The following GRIA4 variants were observed in gnomAD, a reference collection of about 807,000 sequenced individuals.
GRIA4 encodes glutamate receptor 4.
GRIA4 carries 34 observed loss-of-function variants against 104.0 expected under a neutral mutation model. The observed-to-expected ratio is 0.33, with a 90% CI of 0.25 to 0.44. GRIA4 has a LOEUF of 0.44. Among genes scored for constraint, GRIA4 ranks in the 20% least tolerant of loss-of-function variants. GRIA4 has a pLI of 1.00. For synonymous variants in GRIA4, 386 were observed against 381.9 expected (o/e 1.01, Z -0.13); for missense variants, 750 against 1,096.5 (o/e 0.68, Z 4.46).
At chr11:105,699,061 G>A (rs1953391107) in intron 3 of GRIA4, among the ~76,000 whole-genome samples, 1 of 152,134 alleles carries the variant, frequency 6.6e-6, no homozygotes, top group Admixed American at 6.6e-5. Flanking sequence ...TTTTCGTCAA[G>A]TGCTCATGTC....
At chr11:105,702,695 T>C (rs1314707338) in intron 3 of GRIA4, among the ~76,000 whole-genome samples, 2 of 34,624 alleles carry the variant, frequency 5.8e-5, no homozygotes, top group Admixed American at 8.6e-4. Flanking sequence ...TTTTCCTTTC[T>C]TTTTTTTTTT....
intron 13 of GRIA4, among the ~76,000 whole-genome samples, chr11:105,928,907 T>G (rs1452015979): frequency 6.6e-6 from 1 of 152,100 alleles, no homozygotes; most frequent in African/African-American, 2.4e-5. Flanking sequence ...TGGGGAAACC[T>G]GCTTCCTAGA....
intron 4 of GRIA4, among the ~76,000 whole-genome samples, chr11:105,830,289 C>T (rs972762772): frequency 2.6e-5 from 4 of 151,994 alleles, no homozygotes; most frequent in African/African-American, 9.7e-5. Context: ...GAAACTAGTG[C>T]AGTGGCTTGG....
At chr11:105,829,385 T>G (rs1278850886) in intron 4 of GRIA4, among the ~76,000 whole-genome samples, 1 of 152,038 alleles carries the variant, frequency 6.6e-6, no homozygotes, top group Non-Finnish European at 1.5e-5. Context: ...TTTCATCTTC[T>G]TACTCAGCCA....
chr11:105,919,225 G>A (rs1220026925), intron 11 of GRIA4, among the ~76,000 whole-genome samples: 2 of 151,912 alleles, frequency 1.3e-5, no homozygotes, highest in Non-Finnish European at 2.9e-5. Context: ...GCCATGTATA[G>A]AACTACAAAA....
intron 3 of GRIA4, among the ~76,000 whole-genome samples, chr11:105,736,468 G>A (rs765804052): frequency 4.6e-5 from 7 of 151,902 alleles, no homozygotes; most frequent in African/African-American, 9.7e-5. Flanking sequence ...CACAATTTCC[G>A]AAAGTTATTT....
intron 3 of GRIA4, among the ~76,000 whole-genome samples, chr11:105,712,361 A>G (rs902817548): frequency 6.6e-6 from 1 of 152,052 alleles, no homozygotes; most frequent in Non-Finnish European, 1.5e-5. Context: ...TATATTAGTC[A>G]GATAGTGAGG....
At chr11:105,617,206 C>T (rs946311242) in intron 3 of GRIA4, among the ~76,000 whole-genome samples, 2 of 149,986 alleles carry the variant, frequency 1.3e-5, no homozygotes, top group African/African-American at 4.9e-5. Context: ...ATACACCTTA[C>T]ACTTTATGAC....
Position 105,671,993 on chromosome 11 carries a change from G to A in GRIA4, c.247+59559G>A, listed in dbSNP as rs114142881. ...TCACATTTCAGGGAATTCTGCTGTG[G>A]TGATTATTTCTGCAGTGCTGGCACT... On this transcript the variant is annotated intron_variant, in intron 3 of 16. Transcript: ENST00000282499. Among the ~76,000 whole-genome samples, 691 of 152,148 alleles carry A rather than the reference G, an allele frequency of 4.5e-3. 14 individuals are homozygous for A. The highest frequency in any genetic ancestry group is 0.016 in the African/African-American group (645 of 41,522).
In GRIA4 at chr11:105,738,466, C is replaced by A. The variant is rs149648977; in HGVS notation, c.248-14515C>A. On this transcript the variant is annotated intron_variant, in intron 3 of 16. Coordinates refer to ENST00000282499, the MANE Select transcript of GRIA4 (RefSeq NM_000829.4). Reference sequence around the variant, plus strand: ...CCACAGAGTTATGTGGAGTGGTAAACACATACATTAAACAAATGTCACCAA... The same window carrying A: ...CCACAGAGTTATGTGGAGTGGTAAAAACATACATTAAACAAATGTCACCAA... 3.0e-3 allele frequency among the ~76,000 whole-genome samples: 454 copies of A among 152,180 alleles called. 7 individuals carry two copies. Among genetic ancestry groups the A allele is most frequent in the African/African-American group, 0.011 (445 of 41,532 alleles).
intron 3 of GRIA4, among the ~76,000 whole-genome samples, chr11:105,710,711 C>A (rs1343868611): frequency 6.6e-6 from 1 of 152,044 alleles, no homozygotes; most frequent in Non-Finnish European, 1.5e-5. Context: ...TAACAATAGG[C>A]ATAAATTATT....
intron 3 of GRIA4, among the ~76,000 whole-genome samples, chr11:105,732,234 C>G (rs1329105126): frequency 6.6e-6 from 1 of 152,088 alleles, no homozygotes; most frequent in African/African-American, 2.4e-5. Flanking sequence ...AGTCTGCAAA[C>G]AGCAAAGAGG....
intron 4 of GRIA4, among the ~76,000 whole-genome samples, chr11:105,771,031 C>G (rs984003022): frequency 6.6e-6 from 1 of 151,976 alleles, no homozygotes; most frequent in Non-Finnish European, 1.5e-5. Flanking sequence ...TTCTCCTCCT[C>G]CTCTGTCTAT....
rs561953273 is a variant in GRIA4 at position 105,971,351 on chromosome 11, A to G, written c.2295-563A>G. Among the ~76,000 whole-genome samples the G allele has an allele frequency of 2.0e-5, 3 of 152,338 alleles. No individual in the cohort carries two copies. The East Asian group carries it at 5.8e-4, about 29-fold the overall frequency. On this transcript the variant is annotated intron_variant, in intron 14 of 16. Coordinates refer to ENST00000282499, the MANE Select transcript of GRIA4 (RefSeq NM_000829.4). ...TTTTCTCCTGATGACCTTCCTCTGC[A>G]TAAGATGGTCTTTTGTAACACTGAA...
chr11:105,832,606 G>A (rs1046869865), intron 4 of GRIA4, among the ~76,000 whole-genome samples: 4 of 151,750 alleles, frequency 2.6e-5, no homozygotes, highest in South Asian at 2.1e-4. Context: ...ACTGTCCTCC[G>A]ACTCCCAATT....
chr11:105,629,963 G>A (rs1312163653), intron 3 of GRIA4, among the ~76,000 whole-genome samples: 3 of 152,102 alleles, frequency 2.0e-5, no homozygotes, highest in Admixed American at 2.0e-4. Context: ...ATTTGTCATC[G>A]TCAATTGAAA....
chr11:105,826,538 T>C (rs1037033160), intron 4 of GRIA4, among the ~76,000 whole-genome samples: 1 of 152,094 alleles, frequency 6.6e-6, no homozygotes, highest in Non-Finnish European at 1.5e-5. Flanking sequence ...AGGTTTGTCA[T>C]GATAGATTGC....
intron 9 of GRIA4, among the ~76,000 whole-genome samples, chr11:105,910,234 A>C (rs1947185047): frequency 6.6e-6 from 1 of 152,144 alleles, no homozygotes; most frequent in Non-Finnish European, 1.5e-5. Flanking sequence ...ACATGTAACA[A>C]GACAGGATCC....
At chr11:105,677,011 T>C (rs918713682) in intron 3 of GRIA4, among the ~76,000 whole-genome samples, 3 of 151,882 alleles carry the variant, frequency 2.0e-5, no homozygotes, top group Non-Finnish European at 4.4e-5. Context: ...TCCATTTGCA[T>C]AATTCAATTA....
Sources: gnomAD v4.1 joint callset for allele counts (sites outside exome capture counted in the v4.1 genomes callset) on GRCh38, gnomAD v4.1.1 for gene constraint, MANE v1.5 for transcripts, NCBI Gene and HGNC (gene_info 2026-07-23, HGNC 2026-07-21) for gene names.